Variants in SMC2 observed in about 807,000 individuals in gnomAD.
SMC2 encodes structural maintenance of chromosomes protein 2.
Under a neutral mutation model 142.6 loss-of-function variants are expected in SMC2, and 41 were observed. The observed-to-expected ratio is 0.29, with a 90% CI of 0.22 to 0.37. The LOEUF is 0.37. Ranked by LOEUF, SMC2 falls within the 10% of genes least tolerant of loss-of-function variation. SMC2 has a pLI of 1.00. For synonymous variants in SMC2, 463 were observed against 457.5 expected, an observed-to-expected ratio of 1.01 and a Z score of -0.15; for missense variants, 1,265 against 1,373.7, an observed-to-expected ratio of 0.92 and a Z score of 1.25.
chr9:104,129,557 C>A, intron 20 of SMC2, 88 bp from the exon 21 acceptor site: 3 of 1,038,918 alleles, frequency 2.9e-6, no homozygotes, highest in Non-Finnish European at 4.3e-6. Context: ...GTATTTGATT[C>A]AAAAGTATTA....
At chr9:104,096,127 A>C in intron 2 of SMC2, 21 bp from the exon 3 acceptor site, 1 of 1,606,882 alleles carries the variant, frequency 6.2e-7, no homozygotes, top group Non-Finnish European at 8.5e-7. Context: ...TAATTGTTAC[A>C]CTTTTCATAT....
chr9:104,099,202 T>C lies in SMC2; in HGVS notation c.442-442T>C, dbSNP rs559947339. 2.0e-5 allele frequency among the ~76,000 whole-genome samples: 3 copies of C among 152,276 alleles called. No homozygotes were observed. The South Asian group carries it at 6.2e-4, about 32-fold the overall frequency. The stretch of plus-strand genomic sequence containing the variant: ...GAATAAATTTAATGGTTTTCTGGCA[T>C]TGATGTAAAATATTGTATTTTGTTT... On this transcript the variant is annotated intron_variant, in intron 4 of 24. Transcript: ENST00000374793.
At position 104,111,607 on chromosome 9, in the gene SMC2, A is replaced by G; in HGVS notation, c.1047A>G (p.Glu349=). ...ACTCAAAAACTTTAGCAGCAAAGGA[A>G]AAAGAGGTTAAAAAGATAACAGATG... ...VEDSKTLAAK[E]KEVKKITDGL... The change falls in exon 10 of 25, where the codon GAA becomes GAG. Residue 349 remains glutamate (E), a synonymous_variant. Coordinates refer to ENST00000374793, the MANE Select transcript of SMC2 (RefSeq NM_006444.3). 6.2e-7 allele frequency: 1 copy of G among 1,613,596 alleles called. No homozygotes were observed. The highest frequency in any genetic ancestry group is 8.5e-7 in the Non-Finnish European group (1 of 1,179,764).
chr9:104,096,011 A>G, intron 2 of SMC2, 137 bp from the exon 3 acceptor site: 1 of 686,834 alleles, frequency 1.5e-6, no homozygotes, highest in Non-Finnish European at 2.4e-6. Flanking sequence ...TTCTTGCCAG[A>G]GGATGCAGCT....
intron 18 of SMC2, 60 bp downstream of exon 18, chr9:104,125,165 G>A (rs549625475): frequency 4.8e-5 from 59 of 1,219,374 alleles, no homozygotes; most frequent in Admixed American, 2.0e-4. Flanking sequence ...GCTGAAGGTG[G>A]TAGAGCATCA....
the SMC2 span, among the ~76,000 whole-genome samples, chr9:104,088,400 C>T: frequency 3.5e-3 from 531 of 151,842 alleles, 2 homozygotes; most frequent in African/African-American, 0.012. Flanking sequence ...AGGTATGTCA[C>T]AATGAGAATG....
chr9:104,137,038 C>G (rs1013912836), intron 23 of SMC2, among the ~76,000 whole-genome samples: 4 of 152,018 alleles, frequency 2.6e-5, no homozygotes, highest in Admixed American at 6.6e-5. Flanking sequence ...ATCTCAGCTA[C>G]TAGGGAGGCT....
intron 19 of SMC2, among the ~76,000 whole-genome samples, 196 bp downstream of exon 19, chr9:104,126,980 TCTTC>T (rs1225757116): frequency 1.6e-4 from 25 of 152,216 alleles, no homozygotes; most frequent in African/African-American, 5.5e-4. Flanking sequence ...CAGTCCCTCT[TCTTC>T]CTCACTTAGT....
intron 18 of SMC2, 80 bp downstream of exon 18, chr9:104,125,185 CT>C: frequency 9.9e-7 from 1 of 1,007,060 alleles, no homozygotes; most frequent in Non-Finnish European, 1.4e-6. Flanking sequence ...ATTGGTTGAC[CT>C]TATTCATCAG....
intron 18 of SMC2, 89 bp downstream of exon 18, chr9:104,125,194 C>A: frequency 1.1e-6 from 1 of 904,920 alleles, no homozygotes. Flanking sequence ...CCTTATTCAT[C>A]AGAATTGATC....
At chr9:104,113,842 T>A (rs990954404) in intron 11 of SMC2, 122 bp from the exon 12 acceptor site, 9 of 625,694 alleles carry the variant, frequency 1.4e-5, no homozygotes, top group Non-Finnish European at 2.2e-5. Context: ...CATGCTTTTT[T>A]AATACTTACA....
intron 13 of SMC2, among the ~76,000 whole-genome samples, chr9:104,115,608 C>T (rs141818305): frequency 6.7e-4 from 101 of 151,698 alleles, no homozygotes; most frequent in African/African-American, 2.1e-3. Flanking sequence ...AAAAAACAAA[C>T]GTACAAGATG....
intron 9 of SMC2, among the ~76,000 whole-genome samples, chr9:104,109,017 T>G (rs1051157674): frequency 2.6e-5 from 4 of 152,196 alleles, no homozygotes; most frequent in African/African-American, 7.2e-5. Flanking sequence ...ATTCCCTCTA[T>G]CAGAATGTTG....
At chr9:104,095,574 T>C (rs1830360465) in intron 2 of SMC2, 22 bp downstream of exon 2, 1 of 1,592,038 alleles carries the variant, frequency 6.3e-7, no homozygotes, top group Non-Finnish European at 8.6e-7. Context: ...ACTTTCTGAT[T>C]TATTTGAATT....
chr9:104,124,378 C>T (rs1298891663), intron 17 of SMC2, among the ~76,000 whole-genome samples: 4 of 152,146 alleles, frequency 2.6e-5, no homozygotes, highest in Admixed American at 6.5e-5. Flanking sequence ...TGAACTACCA[C>T]GCCTGACCTT....
At position 104,139,602 on chromosome 9, in the gene SMC2, T is replaced by C. The variant is rs1278653164; in HGVS notation, c.*287T>C. 4 of 224,052 alleles carry C rather than the reference T, an allele frequency of 1.8e-5. No homozygotes were observed. Among genetic ancestry groups the C allele is most frequent in the Non-Finnish European group, 3.4e-5 (4 of 116,336 alleles). The allele number at this position is 224,052 out of a possible 1,614,324, so 13.9% of individuals were successfully genotyped here. ...AGGGATCCTGAGATACCCGATTCTATATGTAAAAGCTAATATACAAAAAAG... is the reference window on the plus strand; with the variant it reads ...AGGGATCCTGAGATACCCGATTCTACATGTAAAAGCTAATATACAAAAAAG... On this transcript the variant is annotated 3_prime_UTR_variant, in exon 25 of 25. Transcript: ENST00000374793.
chr9:104,129,029 A>G (rs1834627871), intron 20 of SMC2, among the ~76,000 whole-genome samples: 1 of 152,166 alleles, frequency 6.6e-6, no homozygotes, highest in Non-Finnish European at 1.5e-5. Context: ...GTTCTACCTG[A>G]CTTACATTTC....
chr9:104,132,250 A>T, intron 22 of SMC2, 125 bp downstream of exon 22: 1 of 609,580 alleles, frequency 1.6e-6, no homozygotes, highest in Non-Finnish European at 2.9e-6. Context: ...TCACACCTTA[A>T]TTAAAACCTC....
At chr9:104,097,575 T>TC (rs1306971148) in intron 3 of SMC2, among the ~76,000 whole-genome samples, 3 of 150,158 alleles carry the variant, frequency 2.0e-5, no homozygotes, top group Admixed American at 2.0e-4. Flanking sequence ...TCATTAGGCA[T>TC]CCATCAAATA....
Sources: gnomAD v4.1 joint callset for allele counts (sites outside exome capture counted in the v4.1 genomes callset) on GRCh38, gnomAD v4.1.1 for gene constraint, MANE v1.5 for transcripts, NCBI Gene and HGNC (gene_info 2026-07-23, HGNC 2026-07-21) for gene names.